FREM2: variants seen among roughly 807,000 people sequenced by gnomAD.
The protein encoded by FREM2 is FRAS1 related extracellular matrix 2.
Under a neutral mutation model 219.9 loss-of-function variants are expected in FREM2, and 119 were observed. The ratio of observed to expected loss-of-function variants is 0.54; its 90% confidence interval spans 0.47 to 0.63. The LOEUF (loss-of-function observed/expected upper bound fraction) is 0.63. Ranked by LOEUF, FREM2 falls within the 30% of genes least tolerant of loss-of-function variation. FREM2 has a pLI of 0.00. For missense variants in FREM2, 4,030 were observed against 3,993.6 expected (o/e 1.01, Z -0.25); for synonymous variants, 1,562 against 1,522.8 (o/e 1.03, Z -0.60).
chr13:38,770,829 T>C (rs1242705996), intron 4 of FREM2, among the ~76,000 whole-genome samples: 1 of 152,062 alleles, frequency 6.6e-6, no homozygotes, highest in Non-Finnish European at 1.5e-5. Context: ...TCTACAGTCC[T>C]GGCTTGTCTT....
intron 6 of FREM2, among the ~76,000 whole-genome samples, chr13:38,799,699 C>T (rs1264881294): frequency 6.6e-6 from 1 of 151,804 alleles, no homozygotes; most frequent in East Asian, 1.9e-4. Context: ...GAATTGATCC[C>T]TTTATCAATA....
intron 14 of FREM2, among the ~76,000 whole-genome samples, chr13:38,859,849 G>A (rs1453780828): frequency 1.3e-5 from 2 of 151,614 alleles, no homozygotes; most frequent in Admixed American, 6.6e-5. Flanking sequence ...CCCTGCTTTT[G>A]AGGAATTCTT....
chr13:38,742,706 A>G (rs544273646), intron 2 of FREM2, among the ~76,000 whole-genome samples: 2 of 152,286 alleles, frequency 1.3e-5, no homozygotes, highest in African/African-American at 2.4e-5. Context: ...AGAATTATCA[A>G]TGGTCATCTT....
At chr13:38,700,109 G>T (rs1288427469) in intron 2 of FREM2, among the ~76,000 whole-genome samples, 6 of 151,970 alleles carry the variant, frequency 3.9e-5, no homozygotes, top group Non-Finnish European at 8.8e-5. Flanking sequence ...GGAAATTAGT[G>T]GGGCAACCAT....
rs781571283 is a variant in FREM2, at chr13:38,880,688, C to G, written c.9411C>G (p.Gly3137=). ...LTVIAVLMCR[G]KESFRGKDAP... is the part of the protein sequence containing the mutation. The stretch of plus-strand genomic sequence containing the variant: ...TCATTGCAGTGCTGATGTGCAGGGG[C>G]AAGGAAAGTTTCAGGGGGAAGGATG... The change falls in exon 24 of 24, where the codon GGC becomes GGG. Residue 3137 remains glycine (G), a synonymous_variant. Coordinates refer to ENST00000280481, the MANE Select transcript of FREM2 (RefSeq NM_207361.6). The G allele has an allele frequency of 6.2e-7, 1 of 1,614,154 alleles. No individual in the cohort carries two copies. Among genetic ancestry groups the G allele is most frequent in the South Asian group, 1.1e-5 (1 of 91,080 alleles).
chr13:38,785,590 A>G (rs773260903), intron 6 of FREM2, among the ~76,000 whole-genome samples: 1 of 152,234 alleles, frequency 6.6e-6, no homozygotes, highest in African/African-American at 2.4e-5. Context: ...TTTGGAAAGA[A>G]GCTGGAAGAC....
intron 6 of FREM2, among the ~76,000 whole-genome samples, chr13:38,839,391 T>C (rs1283249785): frequency 1.3e-5 from 2 of 152,186 alleles, no homozygotes; most frequent in African/African-American, 4.8e-5. Context: ...GTATGAGGTG[T>C]CTGTCAACCC....
chr13:38,834,520 C>T (rs949073187), intron 6 of FREM2, among the ~76,000 whole-genome samples: 1 of 152,178 alleles, frequency 6.6e-6, no homozygotes, highest in Non-Finnish European at 1.5e-5. Context: ...CCTGAGGAAT[C>T]ACCACACTGG....
chr13:38,808,396 A>G (rs1270860415), intron 6 of FREM2, among the ~76,000 whole-genome samples: 9 of 151,968 alleles, frequency 5.9e-5, no homozygotes, highest in Non-Finnish European at 1.0e-4. Context: ...CACAACTTGG[A>G]TAACTGTTGG....
intron 2 of FREM2, among the ~76,000 whole-genome samples, chr13:38,760,323 T>G (rs1163346173): frequency 6.6e-6 from 1 of 152,216 alleles, no homozygotes. Context: ...ACTAGCAAAC[T>G]GTTCAGCTAT....
At position 38,764,447 on chromosome 13, in the gene FREM2, A is replaced by G; in HGVS notation, c.5407A>G (p.Ile1803Val). 1 of 1,520,176 alleles carries G rather than the reference A, an allele frequency of 6.6e-7. No individual in the cohort carries two copies. Among genetic ancestry groups the G allele is most frequent in the South Asian group, 1.2e-5 (1 of 83,408 alleles). The allele number at this position is 1,520,176 out of a possible 1,614,324, so 94.2% of individuals were successfully genotyped here. ...RRGYLGETSF[I>V]SIGTRDRTAE... Reference sequence around the variant, plus strand: ...AGGTTACTTGGGAGAAACTTCTTTTATAAGTAAGTTTAATTTTTTATTTCT... The same window carrying G: ...AGGTTACTTGGGAGAAACTTCTTTTGTAAGTAAGTTTAATTTTTTATTTCT... Residue 1803 changes from isoleucine (I) to valine (V), a missense_variant, in exon 3 of 24, where the codon ATA becomes GTA. Ile to Val is a conservative substitution (Grantham distance 29). Coordinates refer to ENST00000280481, the MANE Select transcript of FREM2 (RefSeq NM_207361.6).
chr13:38,690,755 C>T lies in FREM2; in HGVS notation c.3411C>T (p.Asn1137=), dbSNP rs146659106. 83 of 1,614,132 alleles carry T rather than the reference C, an allele frequency of 5.1e-5. No individual in the cohort carries two copies. The African/African-American group carries it at 1.0e-3, about 20-fold the overall frequency. ...SRAGIAISAF[N]LKDLRQGHIN... is the part of the protein sequence containing the mutation. ...CAGGGATTGCCATAAGTGCTTTCAA[C>T]TTGAAAGATCTCAGGCAGGGCCACA... Residue 1137 remains asparagine, a synonymous_variant, in exon 1 of 24, where the codon AAC becomes AAT. Transcript: ENST00000280481.
chr13:38,855,452 T>C (rs1203401196), intron 11 of FREM2, among the ~76,000 whole-genome samples: 1 of 152,214 alleles, frequency 6.6e-6, no homozygotes, highest in Non-Finnish European at 1.5e-5. Context: ...GGTTAATTTT[T>C]CTGATTCTAT....
Position 38,691,745 on chromosome 13 carries a change from T to C in FREM2, c.4401T>C (p.Gly1467=). 6.2e-7 allele frequency: 1 copy of C among 1,613,802 alleles called. No homozygotes were observed. Among genetic ancestry groups the C allele is most frequent in the African/African-American group, 1.3e-5 (1 of 75,014 alleles). Residue 1467 remains glycine (G), a synonymous_variant, in exon 1 of 24, where the codon GGT becomes GGC. Coordinates refer to ENST00000280481, the MANE Select transcript of FREM2 (RefSeq NM_207361.6). The stretch of plus-strand genomic sequence containing the variant: ...CCATCACCAGGGCTCCCATGCGAGG[T>C]CACCTGGAATGCACGGATCAGCCTG... ...VFTITRAPMR[G]HLECTDQPGV... is the part of the protein sequence containing the mutation.
chr13:38,724,747 C>G (rs1178825601), intron 2 of FREM2, among the ~76,000 whole-genome samples: 1 of 152,200 alleles, frequency 6.6e-6, no homozygotes, highest in Non-Finnish European at 1.5e-5. Flanking sequence ...TAGCCTCATT[C>G]TCCAGAGCAA....
rs116126924 is a variant in FREM2 at position 38,803,466 on chromosome 13, T to C, written c.6019+18658T>C. ...GTTTACACACAAGCAACACAACTGATGTTAAGAACAATGCTCTCATTTTGT... is the reference window on the plus strand; with the variant it reads ...GTTTACACACAAGCAACACAACTGACGTTAAGAACAATGCTCTCATTTTGT... On this transcript the variant is annotated intron_variant, in intron 6 of 23. Transcript: ENST00000280481. Among the ~76,000 whole-genome samples the C allele has an allele frequency of 6.4e-3, 972 of 152,274 alleles. 10 individuals carry two copies. The highest frequency in any genetic ancestry group is 0.022 in the African/African-American group (923 of 41,550).
At chr13:38,767,411 A>G (rs1873485175) in intron 3 of FREM2, among the ~76,000 whole-genome samples, 1 of 152,220 alleles carries the variant, frequency 6.6e-6, no homozygotes, top group African/African-American at 2.4e-5. Flanking sequence ...TGGCTTGACT[A>G]TCGTGCAGGA....
chr13:38,692,138 T>G lies in FREM2; in HGVS notation c.4794T>G (p.Asn1598Lys). The change falls in exon 1 of 24, where the codon AAT becomes AAG. Residue 1598 changes from asparagine to lysine, a missense_variant. Asn to Lys is a moderately conservative substitution (Grantham distance 94). This residue lies in a region of FREM2 where 3,102 missense variants were observed against 2,950.7 expected (regional missense o/e 1.05). Coordinates refer to ENST00000280481, the MANE Select transcript of FREM2 (RefSeq NM_207361.6). ...PVMVFTKQDL[N>K]ENLISYKHDG... Reference sequence around the variant, plus strand: ...TGGTTTTTACCAAGCAAGACTTGAATGAAAACTTAATCAGCTACAAACATG... The same window carrying G: ...TGGTTTTTACCAAGCAAGACTTGAAGGAAAACTTAATCAGCTACAAACATG... The G allele has an allele frequency of 6.2e-7, 1 of 1,614,238 alleles. No homozygotes were observed. Among genetic ancestry groups the G allele is most frequent in the Non-Finnish European group, 8.5e-7 (1 of 1,180,050 alleles).
At position 38,689,924 on chromosome 13, in the gene FREM2, T is replaced by C. The variant is rs1869737400; in HGVS notation, c.2580T>C (p.Asp860=). The part of the protein sequence containing the change: ...TELHVNDVDT[D]VAHISFTLTQ... ...TGCACGTGAATGATGTAGACACTGA[T>C]GTTGCCCATATCTCTTTCACTCTCA... The change falls in exon 1 of 24, where the codon GAT becomes GAC. Residue 860 remains aspartate, a synonymous_variant. Coordinates refer to ENST00000280481, the MANE Select transcript of FREM2 (RefSeq NM_207361.6). 1 of 1,614,168 alleles carries C rather than the reference T, an allele frequency of 6.2e-7. No homozygotes were observed.
Sources: allele counts gnomAD v4.1 joint callset (sites outside exome capture counted in the v4.1 genomes callset), GRCh38; gene constraint gnomAD v4.1.1; regional missense constraint gnomAD v4.1.1; transcripts MANE v1.5; gene names NCBI Gene and HGNC (gene_info 2026-07-23, HGNC 2026-07-21).